PRDM5: variants seen among roughly 807,000 people sequenced by gnomAD.
The protein encoded by PRDM5 is PR domain zinc finger protein 5.
PRDM5 carries 56 observed loss-of-function variants against 81.2 expected under a neutral mutation model. The observed-to-expected ratio is 0.69, with a 90% CI of 0.56 to 0.86. PRDM5 has a LOEUF of 0.86. Ranked by LOEUF, PRDM5 falls within the 40% of genes least tolerant of loss-of-function variation. The pLI is 0.00. For synonymous variants in PRDM5, 267 were observed against 256.4 expected (o/e 1.04, Z -0.39); for missense variants, 697 against 770.1 (o/e 0.91, Z 1.12).
At chr4:120,886,185 AC>A (rs1365669803) in intron 2 of PRDM5, among the ~76,000 whole-genome samples, 11 of 152,250 alleles carry the variant, frequency 7.2e-5, no homozygotes, top group African/African-American at 2.4e-4. Context: ...CAAGGTCTAC[AC>A]TAAGTGGTTC....
At chr4:120,807,901 C>G (rs1753222889) in intron 8 of PRDM5, among the ~76,000 whole-genome samples, 1 of 152,102 alleles carries the variant, frequency 6.6e-6, no homozygotes, top group Non-Finnish European at 1.5e-5. Context: ...CATGGTCTCG[C>G]TGGCTTCAGA....
Position 120,694,746 on chromosome 4 carries a change from C to T in PRDM5, c.*365G>A, listed in dbSNP as rs538679185. The T allele has an allele frequency of 4.6e-5, 12 of 262,578 alleles. No homozygotes were observed. The South Asian group carries it at 5.2e-4, about 11-fold the overall frequency. The allele number at this position is 262,578 out of a possible 1,614,324, so 16.3% of individuals were successfully genotyped here. ...ACAGACACATACAGACACACAGACA[C>T]ACAGACACACAAAGAATAACAATAA... On this transcript the variant is annotated 3_prime_UTR_variant, in exon 16 of 16. Transcript: ENST00000264808.
At chr4:120,767,922 C>T (rs115314369) in intron 13 of PRDM5, among the ~76,000 whole-genome samples, 6,590 of 152,214 alleles carry the variant, frequency 0.043, 292 homozygotes, top group Middle Eastern at 0.14. Context: ...TGTTGCCTGC[C>T]GCCATGTAAA....
intron 10 of PRDM5, among the ~76,000 whole-genome samples, chr4:120,794,375 A>G (rs115058741): frequency 2.6e-4 from 40 of 152,166 alleles, no homozygotes; most frequent in Non-Finnish European, 5.0e-4. Flanking sequence ...TTTTGGTTTT[A>G]GATTCTAATC....
intron 3 of PRDM5, among the ~76,000 whole-genome samples, chr4:120,836,606 G>A (rs1757383311): frequency 6.6e-6 from 1 of 152,102 alleles, no homozygotes; most frequent in Non-Finnish European, 1.5e-5. Flanking sequence ...TATTTAAAAG[G>A]TACTTAAAGC....
intron 10 of PRDM5, among the ~76,000 whole-genome samples, chr4:120,791,331 G>A (rs1750544488): frequency 6.6e-6 from 1 of 152,170 alleles, no homozygotes; most frequent in African/African-American, 2.4e-5. Context: ...CAAATCATAT[G>A]TTAAGGCAAA....
intron 12 of PRDM5, among the ~76,000 whole-genome samples, chr4:120,778,674 A>C (rs1477453054): frequency 1.3e-5 from 2 of 152,130 alleles, no homozygotes; most frequent in Non-Finnish European, 2.9e-5. Context: ...ATTATACTCG[A>C]GTTTGAAAAA....
intron 14 of PRDM5, among the ~76,000 whole-genome samples, chr4:120,722,868 G>A (rs763559787): frequency 5.3e-5 from 8 of 152,182 alleles, no homozygotes; most frequent in Non-Finnish European, 5.9e-5. Context: ...TGCTGAGCAC[G>A]CGAGGAGCTG....
In PRDM5 at chr4:120,782,048, G is replaced by T. The variant is rs191158378; in HGVS notation, c.1283-745C>A. On this transcript the variant is annotated intron_variant, in intron 11 of 15. Coordinates refer to ENST00000264808, the MANE Select transcript of PRDM5 (RefSeq NM_018699.4). ...AGAAAACATATATAGAAATCTTATG[G>T]TACTTTCTAACTTTCATATAATGCT... is the stretch of plus-strand genomic sequence containing the variant. Among the ~76,000 whole-genome samples, 1,221 of 151,492 alleles carry T rather than the reference G, an allele frequency of 8.1e-3. 7 individuals are homozygous for T. The highest frequency in any genetic ancestry group is 0.013 in the Non-Finnish European group (916 of 68,000).
chr4:120,907,105 C>T (rs749951821), intron 2 of PRDM5, among the ~76,000 whole-genome samples: 96 of 151,422 alleles, frequency 6.3e-4, no homozygotes, highest in South Asian at 1.5e-3. Context: ...GAGGCCGAGA[C>T]GGGTAGATCA....
intron 14 of PRDM5, among the ~76,000 whole-genome samples, chr4:120,726,214 G>A (rs961248968): frequency 1.3e-5 from 2 of 152,214 alleles, no homozygotes; most frequent in African/African-American, 4.8e-5. Flanking sequence ...TATTTTTACA[G>A]AGAGAGCTAC....
At chr4:120,753,352 A>C (rs1744273256) in intron 14 of PRDM5, among the ~76,000 whole-genome samples, 1 of 152,182 alleles carries the variant, frequency 6.6e-6, no homozygotes, top group Non-Finnish European at 1.5e-5. Context: ...TGGTTTATGA[A>C]GTACTTTTAT....
intron 2 of PRDM5, among the ~76,000 whole-genome samples, chr4:120,859,002 G>A (rs1031947866): frequency 3.3e-5 from 5 of 151,952 alleles, no homozygotes; most frequent in African/African-American, 1.2e-4. Flanking sequence ...TCTAAAATGG[G>A]GACAACAGTT....
intron 8 of PRDM5, among the ~76,000 whole-genome samples, chr4:120,807,512 C>A (rs6826227): frequency 0.081 from 12,401 of 152,188 alleles, 1,066 homozygotes; most frequent in African/African-American, 0.22. Flanking sequence ...ACACATACAC[C>A]ATGGAATACT....
chr4:120,744,606 C>T (rs1351276734), intron 14 of PRDM5, among the ~76,000 whole-genome samples: 10 of 152,292 alleles, frequency 6.6e-5, no homozygotes, highest in East Asian at 1.9e-4. Context: ...GATATTACCA[C>T]GGATCCCACA....
intron 1 of PRDM5, among the ~76,000 whole-genome samples, chr4:120,913,801 C>T (rs571490116): frequency 1.3e-5 from 2 of 152,246 alleles, no homozygotes; most frequent in South Asian, 4.2e-4. Context: ...ACCAGGGAAT[C>T]CCAAAAAGAA....
chr4:120,793,840 G>A (rs921431575), intron 10 of PRDM5, among the ~76,000 whole-genome samples: 4 of 151,546 alleles, frequency 2.6e-5, no homozygotes, highest in African/African-American at 9.7e-5. Context: ...CATTAATTAG[G>A]TGGTAATCAT....
intron 14 of PRDM5, among the ~76,000 whole-genome samples, chr4:120,734,272 T>C (rs988187943): frequency 9.9e-5 from 15 of 151,330 alleles, no homozygotes; most frequent in African/African-American, 3.7e-4. Context: ...TTTTAGCAAC[T>C]GAGACAGTTG....
chr4:120,836,563 T>C (rs1365400731), intron 3 of PRDM5, among the ~76,000 whole-genome samples: 1 of 152,234 alleles, frequency 6.6e-6, no homozygotes, highest in Admixed American at 6.5e-5. Flanking sequence ...AGCTTTGGTG[T>C]TAGATCAACT....
Sources: allele counts gnomAD v4.1 joint callset (sites outside exome capture counted in the v4.1 genomes callset), GRCh38; gene constraint gnomAD v4.1.1; transcripts MANE v1.5; gene names NCBI Gene and HGNC (gene_info 2026-07-23, HGNC 2026-07-21).